Variants in FADS2 observed in about 807,000 individuals in gnomAD.
FADS2 encodes fatty acid desaturase 2, also known as acyl-CoA 6-desaturase.
Under a neutral mutation model 61.2 loss-of-function variants are expected in FADS2, and 18 were observed. That is an observed-to-expected ratio of 0.29 (90% CI 0.20 to 0.44). The LOEUF is 0.44. FADS2 is among the 20% of genes least tolerant of loss of function. FADS2 has a pLI of 1.00. For synonymous variants in FADS2, 203 were observed against 223.9 expected (o/e 0.91, Z 0.83); for missense variants, 322 against 572.7 (o/e 0.56, Z 4.47).
At chr11:61,828,157 G>C, upstream of FADS2, 1 of 1,401,328 alleles carries the variant, frequency 7.1e-7, no homozygotes, top group Non-Finnish European at 9.2e-7. This position sits in a 1 kb window ranked among gnomAD's most constrained non-coding sequence, Gnocchi z 6.4. Flanking sequence ...CGGAGGAAGG[G>C]GACCGCTTGG....
Position 61,828,687 on chromosome 11 carries a change from G to A in FADS2, c.207+90G>A. On this transcript the variant is annotated intron_variant, in intron 1 of 11. Coordinates refer to ENST00000278840, the MANE Select transcript of FADS2 (RefSeq NM_004265.4). The surrounding 1 kb of genome is among the most constrained non-coding windows in gnomAD (Gnocchi z 6.4). The stretch of plus-strand genomic sequence containing the variant: ...CCCGTGGGCCAAACAGACCTCCGGC[G>A]CTGAATGGAGCTTGGGACGTCCTGT... 2 of 1,145,600 alleles carry A rather than the reference G, an allele frequency of 1.7e-6. No homozygotes were observed. Among genetic ancestry groups the A allele is most frequent in the Non-Finnish European group, 2.5e-6 (2 of 793,454 alleles). 71.0% of individuals were successfully genotyped at this position (1,145,600 alleles called of 1,614,324 possible). A position where few individuals can be genotyped will look rare whatever the true frequency, so the allele number is the denominator to read the frequency against.
chr11:61,816,929 T>C lies in FADS2; in HGVS notation c.141+503T>C. The stretch of plus-strand genomic sequence containing the variant: ...GCGGGCCTCGCAGCGCGCGTTCCCA[T>C]TGGCCGAGCCTCGTGGCGCGGGGAG... On this transcript the variant is annotated intron_variant, in intron 1 of 11. Transcript: ENST00000257261. The surrounding 1 kb of genome is among the most constrained non-coding windows in gnomAD (Gnocchi z 7.0). 4 of 1,391,196 alleles carry C rather than the reference T, an allele frequency of 2.9e-6. No individual in the cohort carries two copies. Among genetic ancestry groups the C allele is most frequent in the East Asian group, 3.0e-5 (1 of 33,024 alleles). The allele number at this position is 1,391,196 out of a possible 1,614,324, so 86.2% of individuals were successfully genotyped here.
In FADS2 at chr11:61,866,326, C is replaced by T. The variant is rs377319407; in HGVS notation, c.*637C>T. 110 of 240,520 alleles carry T rather than the reference C, an allele frequency of 4.6e-4. No individual in the cohort carries two copies. The highest frequency in any genetic ancestry group is 2.4e-3 in the African/African-American group (107 of 44,940). The allele number at this position is 240,520 out of a possible 1,614,324, so 14.9% of individuals were successfully genotyped here. ...GGGCACAGCCAGCCCAAACCTTGGG[C>T]CCTGGAAGAGTCCTCCACCCCATCA... On this transcript the variant is annotated 3_prime_UTR_variant, in exon 12 of 12. Coordinates refer to ENST00000278840, the MANE Select transcript of FADS2 (RefSeq NM_004265.4).
At chr11:61,845,233 C>G (rs1013369899) in intron 4 of FADS2, among the ~76,000 whole-genome samples, 1 of 151,782 alleles carries the variant, frequency 6.6e-6, no homozygotes, top group Non-Finnish European at 1.5e-5. Context: ...ACTTCTCCAG[C>G]TGCGTGGACA....
rs141098779 is a variant in FADS2 at position 61,840,248 on chromosome 11, T to C, written c.319-86T>C. ...TGCCACAGCTTCTCTGGGTTGTGCA[T>C]TGGCTGTTGAAATGGCAGCTCGAGA... On this transcript the variant is annotated intron_variant, in intron 2 of 11. Coordinates refer to ENST00000278840, the MANE Select transcript of FADS2 (RefSeq NM_004265.4). 3.4e-3 allele frequency: 3,825 copies of C among 1,130,244 alleles called. 96 individuals are homozygous for C. The African/African-American group carries it at 0.051, about 15-fold the overall frequency. 70.0% of individuals were successfully genotyped at this position (1,130,244 alleles called of 1,614,324 possible). A position where few individuals can be genotyped will look rare whatever the true frequency, so the allele number is the denominator to read the frequency against.
intron 4 of FADS2, 70 bp from the exon 5 acceptor site, chr11:61,848,089 G>A: frequency 6.2e-7 from 1 of 1,604,528 alleles, no homozygotes; most frequent in South Asian, 1.1e-5. Context: ...CTCCTAAGAA[G>A]GGCCTGTTAC....
upstream of FADS2, chr11:61,826,241 C>A (rs1349131836): frequency 1.4e-6 from 1 of 702,296 alleles, no homozygotes; most frequent in African/African-American, 1.7e-5. Context: ...GAACTTCATT[C>A]ATTCATTTGT....
At chr11:61,858,560 A>G (rs1027936183) in intron 7 of FADS2, among the ~76,000 whole-genome samples, 1 of 151,440 alleles carries the variant, frequency 6.6e-6, no homozygotes, top group African/African-American at 2.4e-5. Context: ...GACATTGGTC[A>G]TATTGCATTA....
At chr11:61,851,741 T>G (rs1414465774) in intron 5 of FADS2, among the ~76,000 whole-genome samples, 1 of 152,212 alleles carries the variant, frequency 6.6e-6, no homozygotes, top group East Asian at 1.9e-4. Context: ...TGGGGACAGA[T>G]AAGCAAAGCA....
intron 1 of FADS2, among the ~76,000 whole-genome samples, chr11:61,829,620 G>C (rs2067111146): frequency 6.6e-6 from 1 of 152,222 alleles, no homozygotes; most frequent in South Asian, 2.1e-4. Context: ...GAGGCAAGGA[G>C]GGAAGAAAGG....
intron 2 of FADS2, among the ~76,000 whole-genome samples, chr11:61,838,190 C>T (rs556819495): frequency 6.0e-4 from 91 of 152,214 alleles, no homozygotes; most frequent in Non-Finnish European, 1.0e-3. Context: ...ACAGAAACAC[C>T]GAAAAATGTC....
intron 4 of FADS2, among the ~76,000 whole-genome samples, chr11:61,845,661 C>T (rs2067251336): frequency 1.3e-5 from 2 of 151,774 alleles, no homozygotes; most frequent in African/African-American, 4.8e-5. Flanking sequence ...GGCATGGTGG[C>T]GGGCGCCTAT....
chr11:61,823,005 A>G (rs2067046047), intron 1 of FADS2, among the ~76,000 whole-genome samples: 1 of 152,204 alleles, frequency 6.6e-6, no homozygotes, highest in Admixed American at 6.5e-5. Flanking sequence ...CCAAATTACC[A>G]ATTTACTGCT....
chr11:61,848,078 G>A (rs1353260577), intron 4 of FADS2, 81 bp from the exon 5 acceptor site: 1 of 1,580,904 alleles, frequency 6.3e-7, no homozygotes, highest in Non-Finnish European at 8.7e-7. Context: ...TCCGGGAACT[G>A]CTCCTAAGAA....
chr11:61,857,960 C>T (rs759676749), intron 7 of FADS2, among the ~76,000 whole-genome samples: 2 of 152,172 alleles, frequency 1.3e-5, no homozygotes, highest in South Asian at 2.1e-4. Flanking sequence ...CAAAGCACCA[C>T]GAACTGAGTG....
Position 61,865,134 on chromosome 11 carries a change from A to AC in FADS2, c.1158-15dup, listed in dbSNP as rs750895060. 1.2e-6 allele frequency: 2 copies of AC among 1,610,086 alleles called. No individual in the cohort carries two copies. The highest frequency in any genetic ancestry group is 3.3e-5 in the Admixed American group (2 of 59,884). On this transcript the variant is annotated splice_polypyrimidine_tract_variant and intron_variant, in intron 10 of 11. Transcript: ENST00000278840. The surrounding 1 kb of genome is among the most constrained non-coding windows in gnomAD (Gnocchi z 4.1). The stretch of plus-strand genomic sequence containing the variant: ...CCCTCTGAGTCCTCACGCTCTGCCC[A>AC]CCCTACACACTCCTCAGCCTCTTCC...
chr11:61,857,773 G>A (rs1463151950), intron 7 of FADS2, among the ~76,000 whole-genome samples: 3 of 152,164 alleles, frequency 2.0e-5, no homozygotes, highest in Non-Finnish European at 4.4e-5. Context: ...CTTTTGCAGA[G>A]CCCCCGAGAA....
Position 61,828,631 on chromosome 11 carries a change from C to A in FADS2, c.207+34C>A. Reference sequence around the variant, plus strand: ...CTGGGGGCGCCCCAGCCACCCTTCTCTGCTGCAGGCGGAGTCAGGATCCCT... The same window carrying A: ...CTGGGGGCGCCCCAGCCACCCTTCTATGCTGCAGGCGGAGTCAGGATCCCT... On this transcript the variant is annotated intron_variant, in intron 1 of 11. Transcript: ENST00000278840. The surrounding 1 kb of genome is among the most constrained non-coding windows in gnomAD (Gnocchi z 6.4). 1 of 1,579,372 alleles carries A rather than the reference C, an allele frequency of 6.3e-7. No homozygotes were observed. Among genetic ancestry groups the A allele is most frequent in the South Asian group, 1.1e-5 (1 of 87,996 alleles).
At position 61,828,642 on chromosome 11, in the gene FADS2, G is replaced by T. The variant is rs1483608058; in HGVS notation, c.207+45G>T. 6.4e-7 allele frequency: 1 copy of T among 1,553,688 alleles called. No individual in the cohort carries two copies. Among genetic ancestry groups the T allele is most frequent in the Non-Finnish European group, 8.8e-7 (1 of 1,137,716 alleles). Reference sequence around the variant, plus strand: ...CCAGCCACCCTTCTCTGCTGCAGGCGGAGTCAGGATCCCTGGCTCCCCGTG... The same window carrying T: ...CCAGCCACCCTTCTCTGCTGCAGGCTGAGTCAGGATCCCTGGCTCCCCGTG... On this transcript the variant is annotated intron_variant, in intron 1 of 11. Coordinates refer to ENST00000278840, the MANE Select transcript of FADS2 (RefSeq NM_004265.4). This position sits in a 1 kb window ranked among gnomAD's most constrained non-coding sequence, Gnocchi z 6.4.
Sources: allele counts gnomAD v4.1 joint callset (sites outside exome capture counted in the v4.1 genomes callset), GRCh38; gene constraint gnomAD v4.1.1; non-coding constraint Gnocchi (gnomAD v3.1); transcripts MANE v1.5; gene names NCBI Gene and HGNC (gene_info 2026-07-23, HGNC 2026-07-21).